The following DNER variants were observed in gnomAD, a reference collection of about 807,000 sequenced individuals.
The protein encoded by DNER is delta/notch like EGF repeat containing.
DNER carries 33 observed loss-of-function variants against 78.2 expected under a neutral mutation model. The observed-to-expected ratio is 0.42, with a 90% CI of 0.32 to 0.56. The LOEUF is 0.56. DNER is among the 20% of genes least tolerant of loss of function. DNER has a pLI of 0.11. For missense variants in DNER, 918 were observed against 975.3 expected (o/e 0.94, Z 0.78); for synonymous variants, 417 against 384.8 (o/e 1.08, Z -0.98).
intron 6 of DNER, among the ~76,000 whole-genome samples, chr2:229,491,132 CTCA>C (rs989159009): frequency 3.5e-4 from 54 of 152,284 alleles, no homozygotes; most frequent in African/African-American, 1.0e-3. Flanking sequence ...TTGCTCAGGT[CTCA>C]TCATAGGTTC....
At chr2:229,381,583 T>C (rs186786245) in intron 11 of DNER, among the ~76,000 whole-genome samples, 1 of 152,176 alleles carries the variant, frequency 6.6e-6, no homozygotes, top group East Asian at 1.9e-4. Flanking sequence ...ACACTGAAGC[T>C]TGGTGGGGGG....
intron 10 of DNER, among the ~76,000 whole-genome samples, chr2:229,393,696 A>C (rs915832828): frequency 2.0e-5 from 3 of 151,922 alleles, no homozygotes; most frequent in Admixed American, 2.0e-4. Flanking sequence ...AAATACAAAA[A>C]ATTAGCCAGG....
intron 1 of DNER, among the ~76,000 whole-genome samples, chr2:229,616,385 C>G (rs1175704246): frequency 1.3e-5 from 2 of 152,060 alleles, no homozygotes; most frequent in Non-Finnish European, 2.9e-5. Context: ...CATTGGCCAA[C>G]TCTATGATCA....
chr2:229,459,046 A>G (rs1694635844), intron 7 of DNER, among the ~76,000 whole-genome samples: 1 of 152,078 alleles, frequency 6.6e-6, no homozygotes, highest in Non-Finnish European at 1.5e-5. Context: ...ATAGGATTAA[A>G]TTTAACAAAA....
intron 10 of DNER, among the ~76,000 whole-genome samples, chr2:229,393,846 CAAAACA>C (rs60036170): frequency 0.042 from 6,359 of 151,594 alleles, 368 homozygotes; most frequent in African/African-American, 0.14. Flanking sequence ...GACTCCGTCT[CAAAACA>C]AAAACAAAAA....
intron 6 of DNER, among the ~76,000 whole-genome samples, chr2:229,502,816 C>T (rs923624623): frequency 1.1e-4 from 17 of 152,238 alleles, no homozygotes; most frequent in African/African-American, 3.1e-4. Flanking sequence ...AATAAGGAGA[C>T]GGCAGGCAGG....
At chr2:229,567,927 G>A (rs2154213927) in intron 4 of DNER, among the ~76,000 whole-genome samples, 1 of 152,262 alleles carries the variant, frequency 6.6e-6, no homozygotes, top group African/African-American at 2.4e-5. Context: ...AATAGTCAAT[G>A]CAGCAAATTA....
chr2:229,500,185 G>A (rs1001351673), intron 6 of DNER, among the ~76,000 whole-genome samples: 4 of 152,062 alleles, frequency 2.6e-5, no homozygotes, highest in East Asian at 1.9e-4. Context: ...TGCCCTCCTC[G>A]GCCTCTCACA....
Position 229,367,022 on chromosome 2 carries a change from G to T in DNER, c.1953C>A (p.Ile651=). The T allele has an allele frequency of 1.9e-6, 3 of 1,614,092 alleles. No homozygotes were observed. Among genetic ancestry groups the T allele is most frequent in the Non-Finnish European group, 2.5e-6 (3 of 1,179,998 alleles). The stretch of plus-strand genomic sequence containing the variant: ...CCACGATCAGGATGATCAGCATAAG[G>T]ATGAAGGCCACGCAGAGGGCTCCAA... ...IIIGALCVAF[I]LMLIILIVGI... is the part of the protein sequence containing the mutation. Residue 651 remains isoleucine, a synonymous_variant, in exon 12 of 13, where the codon ATC becomes ATA. Coordinates refer to ENST00000341772, the MANE Select transcript of DNER (RefSeq NM_139072.4).
chr2:229,460,709 G>T (rs1293429620), intron 7 of DNER, among the ~76,000 whole-genome samples: 1 of 152,046 alleles, frequency 6.6e-6, no homozygotes, highest in Non-Finnish European at 1.5e-5. Flanking sequence ...ACCAGACGTT[G>T]GTTGATTGGT....
chr2:229,375,098 A>G (rs1213544651), intron 11 of DNER, among the ~76,000 whole-genome samples: 2 of 152,226 alleles, frequency 1.3e-5, no homozygotes, highest in African/African-American at 4.8e-5. Context: ...CTGTGGTCCT[A>G]TAATATTCTG....
chr2:229,492,616 C>A (rs1009137236), intron 6 of DNER, among the ~76,000 whole-genome samples: 9 of 152,182 alleles, frequency 5.9e-5, no homozygotes, highest in African/African-American at 2.2e-4. Context: ...ATGCTTCACA[C>A]AGAGGTGAGT....
chr2:229,522,587 A>G (rs1377426867), intron 5 of DNER, among the ~76,000 whole-genome samples: 1 of 152,228 alleles, frequency 6.6e-6, no homozygotes, highest in African/African-American at 2.4e-5. Flanking sequence ...TTAGCCCTCT[A>G]GTTATTTCCT....
At chr2:229,564,783 G>C (rs1429125886) in intron 4 of DNER, among the ~76,000 whole-genome samples, 1 of 152,044 alleles carries the variant, frequency 6.6e-6, no homozygotes, top group Admixed American at 6.6e-5. Context: ...ATTTAAAATG[G>C]AGTCCTGGCT....
intron 7 of DNER, among the ~76,000 whole-genome samples, chr2:229,472,153 A>G (rs1224994567): frequency 6.6e-6 from 1 of 152,262 alleles, no homozygotes; most frequent in Admixed American, 6.5e-5. Context: ...TATGTATTCC[A>G]TAATCTTATC....
At chr2:229,384,233 C>T (rs1205757002) in intron 11 of DNER, among the ~76,000 whole-genome samples, 2 of 152,134 alleles carry the variant, frequency 1.3e-5, no homozygotes, top group East Asian at 3.9e-4. Flanking sequence ...ACACAATGTA[C>T]CAGAATCTCT....
chr2:229,692,307 G>A (rs753587549), intron 1 of DNER, among the ~76,000 whole-genome samples: 9 of 152,144 alleles, frequency 5.9e-5, no homozygotes, highest in Non-Finnish European at 1.3e-4. Context: ...TAAAGTTCTT[G>A]CAGGAGTGCT....
At chr2:229,654,695 T>C (rs923292207) in intron 1 of DNER, among the ~76,000 whole-genome samples, 1 of 152,156 alleles carries the variant, frequency 6.6e-6, no homozygotes, top group African/African-American at 2.4e-5. Flanking sequence ...GTCAGAGCCC[T>C]GAAACAACAA....
rs138243179 is a variant in DNER, at chr2:229,522,411, T to C, written c.994-9475A>G. 2.0e-4 allele frequency among the ~76,000 whole-genome samples: 30 copies of C among 152,328 alleles called. No homozygotes were observed. The East Asian group carries it at 5.0e-3, about 25-fold the overall frequency. ...TTGATCTTCAATTCACTCACATCTG[T>C]GTATTTATTTGCCGCAACGTTCTAA... On this transcript the variant is annotated intron_variant, in intron 5 of 12. Coordinates refer to ENST00000341772, the MANE Select transcript of DNER (RefSeq NM_139072.4).
Sources: gnomAD v4.1 joint callset for allele counts (sites outside exome capture counted in the v4.1 genomes callset) on GRCh38, gnomAD v4.1.1 for gene constraint, MANE v1.5 for transcripts, NCBI Gene and HGNC (gene_info 2026-07-23, HGNC 2026-07-21) for gene names.